The following JPH3 variants were observed in gnomAD, a reference collection of about 807,000 sequenced individuals.
The protein encoded by JPH3 is junctophilin-3.
In JPH3, 11 loss-of-function variants were observed where a neutral mutation model predicts 59.6. The ratio of observed to expected loss-of-function variants is 0.18; its 90% CI spans 0.12 to 0.31. JPH3 has a LOEUF of 0.31. Among genes scored for constraint, JPH3 ranks in the 10% least tolerant of loss-of-function variants. The pLI is 1.00. For missense variants in JPH3, 1,202 were observed against 1,105.7 expected, an observed-to-expected ratio of 1.09 and a Z score of -1.24; for synonymous variants, 673 against 483.6, an observed-to-expected ratio of 1.39 and a Z score of -5.14.
chr16:87,633,186 G>A (rs1230676126), intron 1 of JPH3, among the ~76,000 whole-genome samples: 1 of 152,136 alleles, frequency 6.6e-6, no homozygotes, highest in Non-Finnish European at 1.5e-5. Flanking sequence ...CAGGGTCAAG[G>A]TGCTGGGAGA....
intron 2 of JPH3, among the ~76,000 whole-genome samples, chr16:87,646,915 A>G (rs1015214998): frequency 1.3e-5 from 2 of 152,056 alleles, no homozygotes; most frequent in Non-Finnish European, 2.9e-5. Context: ...GCGACCTGAG[A>G]TAGTTTTCAG....
chr16:87,690,196 G>C lies in JPH3; in HGVS notation c.1836G>C (p.Arg612=), dbSNP rs1250586472. 6.2e-7 allele frequency: 1 copy of C among 1,602,486 alleles called. No homozygotes were observed. The highest frequency in any genetic ancestry group is 8.5e-7 in the Non-Finnish European group (1 of 1,175,142). Residue 612 remains arginine (R), a synonymous_variant, in exon 4 of 5, where the codon CGG becomes CGC. Coordinates refer to ENST00000284262, the MANE Select transcript of JPH3 (RefSeq NM_020655.4). ...ELQEEKLSNY[R]MEMKPLLRME... ...AGGAGGAGAAGCTGAGCAACTACCG[G>C]ATGGAGATGAAACCCTTGCTGAGGA... is the stretch of plus-strand genomic sequence containing the variant.
At chr16:87,605,450 A>G (rs1346362456) in intron 1 of JPH3, among the ~76,000 whole-genome samples, 1 of 152,258 alleles carries the variant, frequency 6.6e-6, no homozygotes, top group Non-Finnish European at 1.5e-5. Flanking sequence ...CACACTGAGC[A>G]AAGCAGACAC....
At position 87,689,630 on chromosome 16, in the gene JPH3, T is replaced by C. The variant is rs1567615742; in HGVS notation, c.1286-16T>C. The C allele has an allele frequency of 6.2e-7, 1 of 1,609,978 alleles. No individual in the cohort carries two copies. Among genetic ancestry groups the C allele is most frequent in the Non-Finnish European group, 8.5e-7 (1 of 1,178,670 alleles). On this transcript the variant is annotated splice_polypyrimidine_tract_variant and intron_variant, in intron 3 of 4. Coordinates refer to ENST00000284262, the MANE Select transcript of JPH3 (RefSeq NM_020655.4). ...CTGGGTAACGCCGTCTGGCGTCGTC[T>C]TGTGTCCCCATACAGGGCTGGAGTA...
intron 2 of JPH3, among the ~76,000 whole-genome samples, chr16:87,678,921 G>A (rs1448111365): frequency 4.6e-5 from 7 of 152,252 alleles, no homozygotes; most frequent in South Asian, 2.1e-4. Context: ...AAAGCCTTCC[G>A]ATAGGGGTGT....
At chr16:87,618,078 C>A (rs527306065) in intron 1 of JPH3, among the ~76,000 whole-genome samples, 2 of 152,158 alleles carry the variant, frequency 1.3e-5, no homozygotes, top group African/African-American at 4.8e-5. Flanking sequence ...GTGGGAGAAT[C>A]ACTTCAGCCC....
At chr16:87,629,213 C>T (rs1031129399) in intron 1 of JPH3, among the ~76,000 whole-genome samples, 4 of 152,166 alleles carry the variant, frequency 2.6e-5, no homozygotes, top group African/African-American at 9.7e-5. Flanking sequence ...TGCCAGCAGA[C>T]CGTGTCCTTC....
chr16:87,672,068 G>C (rs1342672753), intron 2 of JPH3, among the ~76,000 whole-genome samples: 2 of 152,140 alleles, frequency 1.3e-5, no homozygotes, highest in Non-Finnish European at 2.9e-5. Flanking sequence ...CGCTCAACCG[G>C]GGTCTAGGCT....
chr16:87,695,960 C>T, intron 4 of JPH3: 2 of 456,042 alleles, frequency 4.4e-6, no homozygotes, highest in Non-Finnish European at 8.8e-6. Context: ...GAGGTGGTGG[C>T]AGCAGCATTC....
intron 1 of JPH3, among the ~76,000 whole-genome samples, chr16:87,632,057 G>A (rs2031581648): frequency 6.6e-6 from 1 of 152,048 alleles, no homozygotes; most frequent in African/African-American, 2.4e-5. Flanking sequence ...TCTGAGGACC[G>A]TTGACTGTTC....
At chr16:87,653,048 C>A (rs1428693201) in intron 2 of JPH3, among the ~76,000 whole-genome samples, 1 of 152,092 alleles carries the variant, frequency 6.6e-6, no homozygotes, top group South Asian at 2.1e-4. Flanking sequence ...AGTGCGTGGT[C>A]TCCAAGCCAG....
At chr16:87,669,725 A>T (rs568968970) in intron 2 of JPH3, among the ~76,000 whole-genome samples, 1 of 152,256 alleles carries the variant, frequency 6.6e-6, no homozygotes, top group East Asian at 1.9e-4. Context: ...AGGGAGATGA[A>T]AGCCAAGCTG....
intron 1 of JPH3, among the ~76,000 whole-genome samples, chr16:87,615,156 G>C (rs537040265): frequency 2.2e-4 from 34 of 152,346 alleles, no homozygotes; most frequent in African/African-American, 7.9e-4. Flanking sequence ...ACAGGTTCCC[G>C]GGGACCCATC....
intron 2 of JPH3, among the ~76,000 whole-genome samples, chr16:87,682,966 C>T (rs980341930): frequency 1.3e-5 from 2 of 152,264 alleles, no homozygotes; most frequent in African/African-American, 4.8e-5. Context: ...GGCAGGTCCC[C>T]TGCAGGACTC....
intron 2 of JPH3, among the ~76,000 whole-genome samples, chr16:87,675,568 G>A (rs2033123888): frequency 6.6e-6 from 1 of 152,210 alleles, no homozygotes; most frequent in African/African-American, 2.4e-5. Flanking sequence ...GCCGTGCTGT[G>A]GGAGGGCCTT....
chr16:87,637,856 C>T (rs864838), intron 1 of JPH3, among the ~76,000 whole-genome samples: 120,713 of 152,082 alleles, frequency 0.79, 48,376 homozygotes, highest in Non-Finnish European at 0.85. Flanking sequence ...ACCAGCACCC[C>T]GTGCGGGGGC....
At chr16:87,670,489 G>GGACCTGTCCCTGTGAGC in intron 2 of JPH3, among the ~76,000 whole-genome samples, 1 of 152,334 alleles carries the variant, frequency 6.6e-6, no homozygotes, top group South Asian at 2.1e-4. Flanking sequence ...CTGCGGGACA[G>GGACCTGTCCCTGTGAGC]GACCTGTCCC....
chr16:87,659,057 C>A (rs1025129464), intron 2 of JPH3, among the ~76,000 whole-genome samples: 1 of 152,200 alleles, frequency 6.6e-6, no homozygotes, highest in Non-Finnish European at 1.5e-5. Context: ...TGCAGCCTGC[C>A]CCATGCCTGG....
At chr16:87,658,447 GCT>G (rs1357718487) in intron 2 of JPH3, among the ~76,000 whole-genome samples, 8 of 143,124 alleles carry the variant, frequency 5.6e-5, no homozygotes, top group African/African-American at 2.1e-4. Context: ...TATCTGCTTT[GCT>G]CTCTGTCTCT....
Sources: allele counts gnomAD v4.1 joint callset (sites outside exome capture counted in the v4.1 genomes callset), GRCh38; gene constraint gnomAD v4.1.1; transcripts MANE v1.5; gene names NCBI Gene and HGNC (gene_info 2026-07-23, HGNC 2026-07-21).